Variants in RUNX1 observed in about 807,000 individuals in gnomAD.
RUNX1 encodes RUNX family transcription factor 1, also known as runt-related transcription factor 1.
Under a neutral mutation model 42.8 loss-of-function variants are expected in RUNX1, and 19 were observed. The ratio of observed to expected loss-of-function variants is 0.44; its 90% CI spans 0.31 to 0.65. The LOEUF (loss-of-function observed/expected upper bound fraction) is 0.65. Ranked by LOEUF, RUNX1 falls within the 30% of genes least tolerant of loss-of-function variation. The pLI, the probability that RUNX1 is intolerant of heterozygous loss-of-function variation, is 0.07. For missense variants in RUNX1, 528 were observed against 672.0 expected, an observed-to-expected ratio of 0.79 and a Z score of 2.37; for synonymous variants, 271 against 289.4, an observed-to-expected ratio of 0.94 and a Z score of 0.64.
intron 7 of RUNX1, among the ~76,000 whole-genome samples, chr21:34,808,630 A>G (rs2056716483): frequency 6.6e-6 from 1 of 152,150 alleles, no homozygotes; most frequent in African/African-American, 2.4e-5. Context: ...GTGAGAGTTA[A>G]TTAATGTTTG....
At chr21:35,005,695 T>C (rs549929419) in intron 2 of RUNX1, among the ~76,000 whole-genome samples, 1 of 152,318 alleles carries the variant, frequency 6.6e-6, no homozygotes, top group African/African-American at 2.4e-5. Context: ...CGCCAGCTAG[T>C]TGCCTTCCCT....
intron 2 of RUNX1, among the ~76,000 whole-genome samples, chr21:35,021,693 A>C (rs1025736899): frequency 2.6e-5 from 4 of 152,180 alleles, no homozygotes; most frequent in African/African-American, 9.7e-5. Flanking sequence ...GCAGGGACCT[A>C]CCCAGCCAGC....
intron 3 of RUNX1, among the ~76,000 whole-genome samples, chr21:34,890,389 C>G (rs2146442484): frequency 6.6e-6 from 1 of 152,308 alleles, no homozygotes; most frequent in South Asian, 2.1e-4. Flanking sequence ...ACGGCCAAGG[C>G]GCGTTTCCGA....
intron 3 of RUNX1, chr21:34,889,579 C>T (rs1311189103): frequency 6.1e-6 from 5 of 824,774 alleles, no homozygotes; most frequent in Admixed American, 6.0e-5. Flanking sequence ...GCCGGACAGC[C>T]TGCCCGGGCC....
intron 5 of RUNX1, among the ~76,000 whole-genome samples, chr21:34,867,254 TAAAATAAAATAAAAATAA>T (rs2057675626): frequency 6.6e-6 from 1 of 150,884 alleles, no homozygotes; most frequent in African/African-American, 2.4e-5. Context: ...AAAAATAAAA[TAAAATAAAATAAAAATAA>T]AAAATAAAAT....
intron 7 of RUNX1, among the ~76,000 whole-genome samples, chr21:34,828,381 T>C (rs1336753716): frequency 6.6e-6 from 1 of 152,256 alleles, no homozygotes; most frequent in Non-Finnish European, 1.5e-5. Context: ...AGACTTGTTT[T>C]TGATTTCACA....
At chr21:34,832,225 T>C (rs1330714525) in intron 7 of RUNX1, among the ~76,000 whole-genome samples, 1 of 152,180 alleles carries the variant, frequency 6.6e-6, no homozygotes, top group Admixed American at 6.5e-5. Flanking sequence ...CGAATGCCCA[T>C]CACACGGTCC....
chr21:34,978,848 C>T (rs147166993), intron 2 of RUNX1, among the ~76,000 whole-genome samples: 1 of 151,796 alleles, frequency 6.6e-6, no homozygotes, highest in African/African-American at 2.4e-5. Context: ...AGCATGTTTT[C>T]CTAAGCCACC....
chr21:34,801,978 G>A (rs977117005), intron 7 of RUNX1, among the ~76,000 whole-genome samples: 98 of 330 alleles, frequency 0.3, no homozygotes, highest in Non-Finnish European at 0.36. Flanking sequence ...TCTCACCTCC[G>A]AAGGAGGTGA....
intron 7 of RUNX1, among the ~76,000 whole-genome samples, chr21:34,800,778 C>T (rs1032347476): frequency 5.9e-5 from 9 of 152,122 alleles, no homozygotes; most frequent in African/African-American, 2.2e-4. Flanking sequence ...CATACTGATT[C>T]ATTTCTTTCT....
In RUNX1 at chr21:34,792,474, C is replaced by G. The variant is rs2056457761; in HGVS notation, c.1104G>C (p.Met368Ile). ...AGCGCGTGGCCGAGCCCATGGCCGA[C>G]ATGCCGATGCCGATGCCCGAGGTGA... Reference protein sequence around the residue: ...TPVTSGIGIGMSAMGSATRYH... With the variant: ...TPVTSGIGIGISAMGSATRYH... The change falls in exon 9 of 9, where the codon ATG (methionine) becomes ATC (isoleucine). Residue 368 changes from methionine to isoleucine, a missense_variant. Physicochemically the swap from Met to Ile is conservative, Grantham distance 10. Coordinates refer to ENST00000675419, the MANE Select transcript of RUNX1 (RefSeq NM_001754.5). This position sits in a 1 kb window ranked among gnomAD's most constrained non-coding sequence, Gnocchi z 6.9. 6.3e-7 allele frequency: 1 copy of G among 1,587,662 alleles called. No homozygotes were observed. Among genetic ancestry groups the G allele is most frequent in the Non-Finnish European group, 8.6e-7 (1 of 1,167,082 alleles).
intron 2 of RUNX1, among the ~76,000 whole-genome samples, chr21:34,953,843 C>T (rs966191689): frequency 2.6e-5 from 4 of 152,092 alleles, no homozygotes; most frequent in African/African-American, 9.7e-5. Context: ...GAAATTAATT[C>T]TGCTAAGAAG....
intron 6 of RUNX1, among the ~76,000 whole-genome samples, chr21:34,835,982 T>C (rs1413811418): frequency 2.6e-5 from 4 of 152,388 alleles, no homozygotes; most frequent in African/African-American, 7.2e-5. Context: ...TGGCCATTTC[T>C]TCCTGCTGCC....
intron 2 of RUNX1, among the ~76,000 whole-genome samples, chr21:35,017,495 G>C (rs1033852482): frequency 6.6e-6 from 1 of 152,196 alleles, no homozygotes; most frequent in African/African-American, 2.4e-5. Context: ...ACATGAGAGA[G>C]TATTGGGGCC....
intron 6 of RUNX1, among the ~76,000 whole-genome samples, chr21:34,837,158 C>A (rs1320847110): frequency 2.0e-5 from 3 of 152,190 alleles, no homozygotes; most frequent in African/African-American, 4.8e-5. Flanking sequence ...AGTGTTCAGG[C>A]ATAACTCTCA....
chr21:34,990,155 C>T (rs1223799898), intron 2 of RUNX1, among the ~76,000 whole-genome samples: 1 of 152,174 alleles, frequency 6.6e-6, no homozygotes, highest in Non-Finnish European at 1.5e-5. Context: ...ATGTCTCTGC[C>T]TGTCAGTTTC....
chr21:34,802,141 C>T (rs1406782344), intron 7 of RUNX1, among the ~76,000 whole-genome samples: 1 of 152,086 alleles, frequency 6.6e-6, no homozygotes, highest in Non-Finnish European at 1.5e-5. Context: ...TTTGTGTATT[C>T]TAGGAAGAGG....
intron 2 of RUNX1, among the ~76,000 whole-genome samples, chr21:34,900,073 G>T (rs2058165471): frequency 6.6e-6 from 1 of 152,148 alleles, no homozygotes; most frequent in Admixed American, 6.5e-5. Context: ...CATAATTTAA[G>T]ATTTTCTAGT....
chr21:34,846,205 T>C, intron 6 of RUNX1, among the ~76,000 whole-genome samples: 1 of 150,316 alleles, frequency 6.7e-6, no homozygotes. Context: ...TTTTTTTTTT[T>C]TTTTTTTTTT....
Sources: allele counts gnomAD v4.1 joint callset (sites outside exome capture counted in the v4.1 genomes callset), GRCh38; gene constraint gnomAD v4.1.1; non-coding constraint Gnocchi (gnomAD v3.1); transcripts MANE v1.5; gene names NCBI Gene and HGNC (gene_info 2026-07-23, HGNC 2026-07-21).